The following TMEM245 variants were observed in gnomAD, a reference collection of about 807,000 sequenced individuals.
TMEM245 encodes the protein transmembrane protein 245.
TMEM245 carries 69 observed loss-of-function variants against 101.2 expected under a neutral mutation model. The observed-to-expected ratio is 0.68, with a 90% CI of 0.56 to 0.83. The LOEUF is 0.83. TMEM245 is among the 40% of genes least tolerant of loss of function. The probability of loss-of-function intolerance (pLI) is 0.00; values close to 1 mark genes in which losing one functional copy is unlikely to be tolerated. For missense variants in TMEM245, 1,075 were observed against 1,092.8 expected, an observed-to-expected ratio of 0.98 and a Z score of 0.23; for synonymous variants, 537 against 449.8, an observed-to-expected ratio of 1.19 and a Z score of -2.45.
intron 9 of TMEM245, among the ~76,000 whole-genome samples, chr9:109,072,281 T>A (rs542666572): frequency 1.3e-5 from 2 of 152,310 alleles, no homozygotes; most frequent in Admixed American, 1.3e-4. Context: ...TGTGGACAGA[T>A]GTGCAGGCTC....
chr9:109,114,244 T>C (rs2132671549), intron 1 of TMEM245, among the ~76,000 whole-genome samples: 1 of 152,314 alleles, frequency 6.6e-6, no homozygotes, highest in African/African-American at 2.4e-5. Context: ...AGAGTCAACA[T>C]TTTTATATTC....
At chr9:109,060,910 G>A (rs1050881663) in intron 10 of TMEM245, among the ~76,000 whole-genome samples, 15 of 152,136 alleles carry the variant, frequency 9.9e-5, no homozygotes, top group Non-Finnish European at 1.9e-4. Context: ...TGCATGCTGA[G>A]AGATGTCCGG....
At chr9:109,074,144 G>A (rs1402815383) in intron 8 of TMEM245, among the ~76,000 whole-genome samples, 1 of 152,074 alleles carries the variant, frequency 6.6e-6, no homozygotes, top group Non-Finnish European at 1.5e-5. Context: ...ACAGGTGTGA[G>A]CCACTGTAAG....
intron 14 of TMEM245, among the ~76,000 whole-genome samples, chr9:109,047,336 T>C (rs1244814291): frequency 1.3e-5 from 2 of 152,324 alleles, no homozygotes; most frequent in South Asian, 4.1e-4. Context: ...AAAGACTGAT[T>C]TCCTCATATC....
chr9:109,070,906 T>C (rs969504679), intron 9 of TMEM245, among the ~76,000 whole-genome samples: 2 of 152,286 alleles, frequency 1.3e-5, no homozygotes, highest in East Asian at 1.9e-4. Flanking sequence ...TTTTGAGACA[T>C]AGTCTTACCC....
At chr9:109,030,234 G>C (rs1198780055) in intron 17 of TMEM245, among the ~76,000 whole-genome samples, 1 of 148,642 alleles carries the variant, frequency 6.7e-6, no homozygotes, top group Admixed American at 6.6e-5. Flanking sequence ...GAAGAAGAGG[G>C]AGAAGGCAAA....
intron 3 of TMEM245, among the ~76,000 whole-genome samples, chr9:109,100,867 AT>A (rs1333800962): frequency 2.6e-5 from 4 of 152,206 alleles, no homozygotes; most frequent in Admixed American, 6.5e-5. Context: ...GCACTTAAAT[AT>A]TTTTCCCTTA....
At chr9:109,043,714 G>A (rs997208127) in intron 14 of TMEM245, among the ~76,000 whole-genome samples, 3 of 152,194 alleles carry the variant, frequency 2.0e-5, no homozygotes, top group Non-Finnish European at 2.9e-5. Flanking sequence ...CTAGAGGCAC[G>A]GTTTTCTAAC....
At position 109,020,324 on chromosome 9, in the gene TMEM245, T is replaced by A. The variant is rs545982860; in HGVS notation, c.*136A>T. The A allele has an allele frequency of 1.2e-6, 1 of 843,816 alleles. No homozygotes were observed. Among genetic ancestry groups the A allele is most frequent in the Admixed American group, 1.7e-5 (1 of 57,954 alleles). 52.3% of individuals were successfully genotyped at this position (843,816 alleles called of 1,614,324 possible). A position where few individuals can be genotyped will look rare whatever the true frequency, so the allele number is the denominator to read the frequency against. ...TTCTCTCTTGTCCAGGCATTCTGTA[T>A]GTAAGGCCAGGAGGCTTCTGCTTCT... On this transcript the variant is annotated 3_prime_UTR_variant, in exon 18 of 18. Transcript: ENST00000374586.
chr9:109,069,473 T>C (rs528975575), intron 9 of TMEM245, among the ~76,000 whole-genome samples: 2 of 152,272 alleles, frequency 1.3e-5, no homozygotes, highest in East Asian at 3.9e-4. Flanking sequence ...TTTTAAAATG[T>C]ATTATATCCA....
At chr9:109,038,653 A>G (rs1828211395) in intron 14 of TMEM245, 1 of 152,268 alleles carries the variant, frequency 6.6e-6, no homozygotes, top group African/African-American at 2.4e-5. Flanking sequence ...CCTACAAAGT[A>G]ACATCTCTTA....
At chr9:109,106,009 T>TGATCCG (rs1230422163) in intron 3 of TMEM245, among the ~76,000 whole-genome samples, 2 of 152,276 alleles carry the variant, frequency 1.3e-5, no homozygotes, top group East Asian at 3.9e-4. Flanking sequence ...CCTGACCTCG[T>TGATCCG]GATCCGCTTG....
At chr9:109,023,587 C>T (rs895324043) in intron 17 of TMEM245, among the ~76,000 whole-genome samples, 3 of 152,136 alleles carry the variant, frequency 2.0e-5, no homozygotes, top group African/African-American at 7.2e-5. Flanking sequence ...GTAATCCCAG[C>T]ACTTTGGGAG....
At position 109,017,138 on chromosome 9, in the gene TMEM245, A is replaced by G. The variant is rs1434056702; in HGVS notation, c.*3322T>C. ...GATAGGTCACAATGGGTTCATGTGA[A>G]GATCAAGGTGAGCCAGAAGATCTCA... is the stretch of plus-strand genomic sequence containing the variant. On this transcript the variant is annotated 3_prime_UTR_variant, in exon 18 of 18. Transcript: ENST00000374586. The G allele has an allele frequency of 6.6e-6, 1 of 152,240 alleles. No individual in the cohort carries two copies. The highest frequency in any genetic ancestry group is 1.5e-5 in the Non-Finnish European group (1 of 68,056). 9.4% of individuals were successfully genotyped at this position (152,240 alleles called of 1,614,324 possible).
chr9:109,085,939 C>A, intron 7 of TMEM245, 58 bp downstream of exon 7: 1 of 1,567,722 alleles, frequency 6.4e-7, no homozygotes. Context: ...GTGAAAAAGG[C>A]GATACAGGGG....
intron 16 of TMEM245, among the ~76,000 whole-genome samples, chr9:109,033,886 C>T (rs1828041925): frequency 6.6e-6 from 1 of 152,168 alleles, no homozygotes; most frequent in Non-Finnish European, 1.5e-5. Context: ...CACAATTTAG[C>T]ATGTAATTCA....
At chr9:109,090,449 G>A (rs1007231656) in intron 5 of TMEM245, among the ~76,000 whole-genome samples, 2 of 152,002 alleles carry the variant, frequency 1.3e-5, no homozygotes, top group Non-Finnish European at 2.9e-5. Flanking sequence ...CTGGCCGGGC[G>A]CGGTGGCTCA....
chr9:109,022,141 G>A lies in TMEM245; in HGVS notation c.2595-1636C>T, dbSNP rs180853005. Among the ~76,000 whole-genome samples, 86 of 152,252 alleles carry A rather than the reference G, an allele frequency of 5.6e-4. 1 individual carries two copies. Among genetic ancestry groups the A allele is most frequent in the South Asian group, 3.5e-3 (17 of 4,826 alleles). Reference sequence around the variant, plus strand: ...TGAGGAAAGTACTTCAGTGTCAAGAGGGGAACAGGTAAAATGTCACAGAAA... The same window carrying A: ...TGAGGAAAGTACTTCAGTGTCAAGAAGGGAACAGGTAAAATGTCACAGAAA... On this transcript the variant is annotated intron_variant, in intron 17 of 17. Transcript: ENST00000374586.
At position 109,017,913 on chromosome 9, in the gene TMEM245, G is replaced by A. The variant is rs908836955; in HGVS notation, c.*2547C>T. 5 of 152,160 alleles carry A rather than the reference G, an allele frequency of 3.3e-5. No individual in the cohort carries two copies. Among genetic ancestry groups the A allele is most frequent in the Non-Finnish European group, 7.3e-5 (5 of 68,046 alleles). 9.4% of individuals were successfully genotyped at this position (152,160 alleles called of 1,614,324 possible). On this transcript the variant is annotated 3_prime_UTR_variant, in exon 18 of 18. Coordinates refer to ENST00000374586, the MANE Select transcript of TMEM245 (RefSeq NM_032012.4). ...GGTTCCAAGACCTCCCCAGCTAGTG[G>A]ACCTTCCTAGTCCTTATGCCGTTGC... is the stretch of plus-strand genomic sequence containing the variant.
Sources: gnomAD v4.1 joint callset for allele counts (sites outside exome capture counted in the v4.1 genomes callset) on GRCh38, gnomAD v4.1.1 for gene constraint, MANE v1.5 for transcripts, NCBI Gene and HGNC (gene_info 2026-07-23, HGNC 2026-07-21) for gene names.